The following FARS2 variants were observed in gnomAD, a reference collection of about 807,000 sequenced individuals.
FARS2 encodes the protein phenylalanine--tRNA ligase, mitochondrial.
In FARS2, 40 loss-of-function variants were observed where a neutral mutation model predicts 46.4. The ratio of observed to expected loss-of-function variants is 0.86; its 90% CI spans 0.67 to 1.12. The LOEUF (loss-of-function observed/expected upper bound fraction) is 1.12, where lower values mean the gene tolerates loss of function less well. FARS2 is among the 50% of genes most tolerant of loss of function. FARS2 has a pLI of 0.00. For synonymous variants in FARS2, 234 were observed against 214.9 expected (o/e 1.09, Z -0.78); for missense variants, 513 against 567.9 (o/e 0.90, Z 0.98).
At chr6:5,330,566 G>A (rs1770731690) in intron 1 of FARS2, among the ~76,000 whole-genome samples, 1 of 152,164 alleles carries the variant, frequency 6.6e-6, no homozygotes, top group Non-Finnish European at 1.5e-5. Flanking sequence ...ACCTCACTCA[G>A]CTTTGGAGGA....
chr6:5,254,048 G>C, the FARS2 span, among the ~76,000 whole-genome samples: 1 of 152,180 alleles, frequency 6.6e-6, no homozygotes, highest in Non-Finnish European at 1.5e-5. Flanking sequence ...TTGGTTGTCT[G>C]CTCCACTAGA....
chr6:5,700,104 G>A (rs957275741), intron 6 of FARS2, among the ~76,000 whole-genome samples: 1 of 152,196 alleles, frequency 6.6e-6, no homozygotes, highest in African/African-American at 2.4e-5. Flanking sequence ...TCTCATGACT[G>A]GAGAGGGCCT....
At chr6:5,564,910 G>T (rs919322863) in intron 5 of FARS2, among the ~76,000 whole-genome samples, 1 of 152,220 alleles carries the variant, frequency 6.6e-6, no homozygotes, top group African/African-American at 2.4e-5. Flanking sequence ...CATGAGGCCA[G>T]TTCTTCCTAA....
chr6:5,340,913 C>T (rs12194426), intron 1 of FARS2, among the ~76,000 whole-genome samples: 27,076 of 151,408 alleles, frequency 0.18, 2,925 homozygotes, highest in East Asian at 0.48. Context: ...TTTGGGAGGC[C>T]GAGGCGGGCG....
intron 1 of FARS2, among the ~76,000 whole-genome samples, chr6:5,324,685 CTG>C (rs1399710423): frequency 6.6e-6 from 1 of 152,090 alleles, no homozygotes; most frequent in Admixed American, 6.5e-5. Context: ...ATACAATAAA[CTG>C]TGTTTGAAAA....
chr6:5,587,211 T>C (rs1773665038), intron 5 of FARS2, among the ~76,000 whole-genome samples: 1 of 152,222 alleles, frequency 6.6e-6, no homozygotes, highest in African/African-American at 2.4e-5. Flanking sequence ...AAAGGTGGTA[T>C]TAAGGAATAT....
chr6:5,685,558 C>T (rs764237036), intron 6 of FARS2, among the ~76,000 whole-genome samples: 1 of 152,232 alleles, frequency 6.6e-6, no homozygotes, highest in East Asian at 1.9e-4. Flanking sequence ...GCCTACTCTG[C>T]TGCACAGTGT....
chr6:5,570,691 A>G (rs977591053), intron 5 of FARS2, among the ~76,000 whole-genome samples: 8 of 152,216 alleles, frequency 5.3e-5, no homozygotes, highest in Non-Finnish European at 1.2e-4. Flanking sequence ...TCAAAAAGTG[A>G]TGCCTCTGGG....
intron 6 of FARS2, among the ~76,000 whole-genome samples, chr6:5,680,707 CTTGT>C (rs148759261): frequency 0.041 from 6,105 of 149,994 alleles, 152 homozygotes; most frequent in African/African-American, 0.068. Context: ...TCATGCACCT[CTTGT>C]TTGTTCTGCA....
At chr6:5,766,527 C>T (rs1054944478) in intron 6 of FARS2, among the ~76,000 whole-genome samples, 1 of 152,226 alleles carries the variant, frequency 6.6e-6, no homozygotes, top group Non-Finnish European at 1.5e-5. Context: ...CATTTTTTAA[C>T]AGAACAGTTA....
At chr6:5,454,850 G>A (rs1467134795) in intron 4 of FARS2, among the ~76,000 whole-genome samples, 2 of 152,122 alleles carry the variant, frequency 1.3e-5, no homozygotes, top group Non-Finnish European at 2.9e-5. Flanking sequence ...CAAGCCTTTC[G>A]GTTCTCCCTT....
chr6:5,680,544 G>A (rs1404745083), intron 6 of FARS2, among the ~76,000 whole-genome samples: 1 of 152,166 alleles, frequency 6.6e-6, no homozygotes, highest in Non-Finnish European at 1.5e-5. Flanking sequence ...CATCGGTCCT[G>A]CCATCAGCAC....
chr6:5,250,390 A>G, the FARS2 span, among the ~76,000 whole-genome samples: 1 of 152,278 alleles, frequency 6.6e-6, no homozygotes. Context: ...GTTATTTTTC[A>G]CCCCAAAACC....
chr6:5,281,036 G>A (rs1766687466), intron 1 of FARS2, among the ~76,000 whole-genome samples: 1 of 152,140 alleles, frequency 6.6e-6, no homozygotes, highest in Admixed American at 6.5e-5. Flanking sequence ...ACACTTTGGG[G>A]AGTAAAGATT....
chr6:5,710,388 G>A (rs1292754486), intron 6 of FARS2, among the ~76,000 whole-genome samples: 1 of 152,156 alleles, frequency 6.6e-6, no homozygotes, highest in African/African-American at 2.4e-5. Flanking sequence ...GTTCTACTCA[G>A]GCCAAGATAG....
chr6:5,750,638 A>C (rs1408169075), intron 6 of FARS2, among the ~76,000 whole-genome samples: 1 of 152,168 alleles, frequency 6.6e-6, no homozygotes, highest in Non-Finnish European at 1.5e-5. Context: ...AGTCGAAGGC[A>C]GTGGAATGCA....
intron 6 of FARS2, among the ~76,000 whole-genome samples, chr6:5,617,472 T>C (rs966064567): frequency 5.3e-5 from 8 of 152,246 alleles, no homozygotes; most frequent in Admixed American, 1.3e-4. Context: ...CAATATCCAA[T>C]TCCCCCTGCC....
intron 4 of FARS2, among the ~76,000 whole-genome samples, chr6:5,529,215 G>A (rs1023212023): frequency 6.6e-6 from 1 of 152,200 alleles, no homozygotes; most frequent in Non-Finnish European, 1.5e-5. Flanking sequence ...TCTGACTCGT[G>A]ATGAGCAAGT....
At chr6:5,755,735 A>G (rs973067331) in intron 6 of FARS2, among the ~76,000 whole-genome samples, 4 of 152,180 alleles carry the variant, frequency 2.6e-5, no homozygotes, top group African/African-American at 9.7e-5. Flanking sequence ...ATTGGAGCAT[A>G]TCCTGAGACA....
Sources: allele counts gnomAD v4.1 joint callset (sites outside exome capture counted in the v4.1 genomes callset), GRCh38; gene constraint gnomAD v4.1.1; transcripts MANE v1.5; gene names NCBI Gene and HGNC (gene_info 2026-07-23, HGNC 2026-07-21).